LRRC37A: variants seen among roughly 807,000 people sequenced by gnomAD.
LRRC37A encodes leucine-rich repeat-containing protein 37A.
A neutral mutation model predicts 35.4 loss-of-function variants in LRRC37A; 3 were observed. The ratio of observed to expected loss-of-function variants is 0.08; its 90% CI spans 0.04 to 0.22. The LOEUF (loss-of-function observed/expected upper bound fraction) is 0.22, where lower values mean the gene tolerates loss of function less well. Ranked by LOEUF, LRRC37A falls within the 10% of genes least tolerant of loss-of-function variation. The pLI is 1.00. For synonymous variants in LRRC37A, 23 were observed against 215.0 expected, an observed-to-expected ratio of 0.11 and a Z score of 7.81; for missense variants, 67 against 565.3, an observed-to-expected ratio of 0.12 and a Z score of 8.94.
At chr17:46,291,307 T>C (rs1437952854), upstream of LRRC37A, among the ~76,000 whole-genome samples, 3 of 152,188 alleles carry the variant, frequency 2.0e-5, no homozygotes, top group Non-Finnish European at 2.9e-5. Flanking sequence ...AAAAGAGAAA[T>C]TGAAAAGACA....
chr17:46,282,251 T>C, the LRRC37A span, among the ~76,000 whole-genome samples: 1 of 150,582 alleles, frequency 6.6e-6, no homozygotes, highest in East Asian at 2.0e-4. Flanking sequence ...TACAGGCGTC[T>C]GCCACCACGC....
chr17:46,276,563 C>G, the LRRC37A span, among the ~76,000 whole-genome samples: 1 of 152,058 alleles, frequency 6.6e-6, no homozygotes, highest in Non-Finnish European at 1.5e-5. Context: ...TGAATTATAA[C>G]AAAGTGCAGT....
At chr17:46,260,482 G>A in the LRRC37A span, 1 of 1,594,726 alleles carries the variant, frequency 6.3e-7, no homozygotes, top group South Asian at 1.1e-5. Context: ...CCCAGCCTGG[G>A]GGTGGCCCGC....
At chr17:46,259,017 C>CTTTTTTTTTTTTTT in the LRRC37A span, among the ~76,000 whole-genome samples, 2 of 24,988 alleles carry the variant, frequency 8.0e-5, no homozygotes, top group Non-Finnish European at 2.8e-4. Flanking sequence ...CGCACCCGGC[C>CTTTTTTTTTTTTTT]TATTTTTTTT....
At chr17:46,270,857 G>A in the LRRC37A span, among the ~76,000 whole-genome samples, 1 of 152,214 alleles carries the variant, frequency 6.6e-6, no homozygotes, top group Admixed American at 6.5e-5. Flanking sequence ...CCGAGATCAT[G>A]CCACTGCCCT....
chr17:46,285,077 C>T, the LRRC37A span, among the ~76,000 whole-genome samples: 1 of 152,078 alleles, frequency 6.6e-6, no homozygotes, highest in Non-Finnish European at 1.5e-5. Flanking sequence ...CTTTGTTGCC[C>T]AGATTGGTCT....
At chr17:46,291,370 T>TAAAACTGC, upstream of LRRC37A, among the ~76,000 whole-genome samples, 1 of 151,812 alleles carries the variant, frequency 6.6e-6, no homozygotes, top group Non-Finnish European at 1.5e-5. Context: ...CACAAAACTG[T>TAAAACTGC]GAGCAGGACT....
At chr17:46,272,706 A>G in the LRRC37A span, among the ~76,000 whole-genome samples, 1 of 152,244 alleles carries the variant, frequency 6.6e-6, no homozygotes, top group Non-Finnish European at 1.5e-5. Flanking sequence ...GTGGGCCACC[A>G]CACCTGGCCA....
chr17:46,267,161 G>A, the LRRC37A span: 2 of 556,644 alleles, frequency 3.6e-6, no homozygotes, highest in African/African-American at 2.0e-5. Context: ...CGGTGAGCCC[G>A]GCCGCCGCGC....
At chr17:46,300,130 C>T in intron 2 of LRRC37A, among the ~76,000 whole-genome samples, 2 of 66,812 alleles carry the variant, frequency 3.0e-5, no homozygotes, top group African/African-American at 3.7e-5. Context: ...TTTTTTTTTT[C>T]AGAGACAGGG....
the LRRC37A span, among the ~76,000 whole-genome samples, chr17:46,286,681 G>A: frequency 4.6e-5 from 7 of 152,228 alleles, no homozygotes; most frequent in Admixed American, 1.3e-4. Context: ...AATTTGTAAT[G>A]TAAGTGTATA....
the LRRC37A span, among the ~76,000 whole-genome samples, chr17:46,261,601 T>C: frequency 0.15 from 22,064 of 151,698 alleles, 2,157 homozygotes; most frequent in Non-Finnish European, 0.22. Flanking sequence ...TTAATAGAGA[T>C]GGGGTTTCTC....
At chr17:46,275,072 G>T in the LRRC37A span, 1 of 182,534 alleles carries the variant, frequency 5.5e-6, no homozygotes, top group Non-Finnish European at 1.1e-5. Context: ...TTGTATTTTT[G>T]GTAGAGACGG....
the LRRC37A span, among the ~76,000 whole-genome samples, chr17:46,258,382 T>C: frequency 6.6e-6 from 1 of 152,120 alleles, no homozygotes; most frequent in Non-Finnish European, 1.5e-5. Flanking sequence ...AGCTACTTTC[T>C]GTATTTTTAA....
At chr17:46,250,901 C>T in the LRRC37A span, among the ~76,000 whole-genome samples, 2 of 112,604 alleles carry the variant, frequency 1.8e-5, no homozygotes, top group African/African-American at 5.3e-5. Flanking sequence ...TCCTCTTCCT[C>T]TTCCTCTCCT....
upstream of LRRC37A, among the ~76,000 whole-genome samples, chr17:46,291,914 T>C (rs539191618): frequency 6.7e-6 from 1 of 148,486 alleles, no homozygotes; most frequent in South Asian, 2.1e-4. Flanking sequence ...TGGGGTGTGA[T>C]TGCACCGCTG....
the LRRC37A span, among the ~76,000 whole-genome samples, chr17:46,256,783 C>T: frequency 2.0e-5 from 3 of 151,914 alleles, no homozygotes; most frequent in African/African-American, 7.3e-5. Flanking sequence ...AGTAGAGCAA[C>T]CCAATAAAAA....
chr17:46,248,119 C>A, the LRRC37A span, among the ~76,000 whole-genome samples: 5 of 151,932 alleles, frequency 3.3e-5, no homozygotes, highest in African/African-American at 4.9e-5. Context: ...ACTTACAACA[C>A]TTAAGAACAT....
chr17:46,287,348 C>T, the LRRC37A span, among the ~76,000 whole-genome samples: 2 of 152,272 alleles, frequency 1.3e-5, no homozygotes, highest in Non-Finnish European at 2.9e-5. Flanking sequence ...CAAACCTATT[C>T]CACAGAAGCC....
Sources: gnomAD v4.1 joint callset for allele counts (sites outside exome capture counted in the v4.1 genomes callset) on GRCh38, gnomAD v4.1.1 for gene constraint, MANE v1.5 for transcripts, NCBI Gene and HGNC (gene_info 2026-07-23, HGNC 2026-07-21) for gene names.